The following ZNF10 variants were observed in gnomAD, a reference collection of about 807,000 sequenced individuals.
ZNF10 encodes the protein zinc finger protein 10 (KOX 1).
Under a neutral mutation model 12.2 loss-of-function variants are expected in ZNF10, and 8 were observed. The ratio of observed to expected loss-of-function variants is 0.66; its 90% CI spans 0.39 to 1.18. The LOEUF is 1.18. Ranked by LOEUF, ZNF10 falls within the 50% of genes most tolerant of loss-of-function variation. ZNF10 has a pLI of 0.01. For missense variants in ZNF10, 603 were observed against 678.9 expected (o/e 0.89, Z 1.24); for synonymous variants, 229 against 228.2 (o/e 1.00, Z -0.03).
At chr12:133,138,757 C>G (rs566391667) in intron 1 of ZNF10, among the ~76,000 whole-genome samples, 1 of 152,198 alleles carries the variant, frequency 6.6e-6, no homozygotes, top group African/African-American at 2.4e-5. Flanking sequence ...AGGGAAGGAC[C>G]CATGTCTGAA....
chr12:133,149,874 T>A (rs1955997644), intron 2 of ZNF10, among the ~76,000 whole-genome samples: 1 of 152,202 alleles, frequency 6.6e-6, no homozygotes, highest in Non-Finnish European at 1.5e-5. Context: ...TTTTCAGCTT[T>A]ATATTTTTGT....
intron 1 of ZNF10, among the ~76,000 whole-genome samples, chr12:133,141,587 C>T (rs1237807355): frequency 6.6e-6 from 1 of 151,868 alleles, no homozygotes; most frequent in African/African-American, 2.4e-5. Context: ...GATTAGATTT[C>T]CAGAAGAAAA....
chr12:133,130,670 G>T lies in ZNF10; in HGVS notation c.-144G>T, dbSNP rs1371402210. ...GCTCTTCGCGCTCCGCTGGTGAATG[G>T]AGTCGCGTTCTCTGTTTTGCTGTTG... On this transcript the variant is annotated 5_prime_UTR_variant, in exon 1 of 5. An upstream open reading frame in the 5' UTR gains an earlier in-frame stop. Coordinates refer to ENST00000248211, the MANE Select transcript of ZNF10 (RefSeq NM_015394.5). The T allele has an allele frequency of 1.3e-5, 2 of 152,514 alleles. No homozygotes were observed. Among genetic ancestry groups the T allele is most frequent in the Non-Finnish European group, 2.9e-5 (2 of 68,110 alleles). 9.4% of individuals were successfully genotyped at this position (152,514 alleles called of 1,614,324 possible).
Position 133,158,276 on chromosome 12 carries a change from A to T in ZNF10, c.*1308A>T, listed in dbSNP as rs1428530724. 6.6e-6 allele frequency: 1 copy of T among 152,222 alleles called. No individual in the cohort carries two copies. Among genetic ancestry groups the T allele is most frequent in the Non-Finnish European group, 1.5e-5 (1 of 68,040 alleles). 9.4% of individuals were successfully genotyped at this position (152,222 alleles called of 1,614,324 possible). A position where few individuals can be genotyped will look rare whatever the true frequency, so the allele number is the denominator to read the frequency against. On this transcript the variant is annotated 3_prime_UTR_variant, in exon 5 of 5. Coordinates refer to ENST00000248211, the MANE Select transcript of ZNF10 (RefSeq NM_015394.5). Reference sequence around the variant, plus strand: ...CTGTAGTTACTGGCTGTGATTATTAATAATATTGCCGCACCCTAATATCTG... The same window carrying T: ...CTGTAGTTACTGGCTGTGATTATTATTAATATTGCCGCACCCTAATATCTG...
chr12:133,146,412 A>T (rs111724955), intron 2 of ZNF10, among the ~76,000 whole-genome samples: 5 of 152,340 alleles, frequency 3.3e-5, no homozygotes, highest in African/African-American at 1.2e-4. Flanking sequence ...AGGGAAGGAG[A>T]GAAGATATCC....
chr12:133,156,053 ATG>A lies in ZNF10; in HGVS notation c.810_811del (p.Cys270TrpfsTer9). The A allele has an allele frequency of 6.2e-7, 1 of 1,613,526 alleles. No individual in the cohort carries two copies. The highest frequency in any genetic ancestry group is 8.5e-7 in the Non-Finnish European group (1 of 1,179,946). ...GAGAGAAACCCTATGAATGTAAGGA[ATG>A]TGGAAAATTCTTCAGCTGGCGCTCT... ...HREKPYECKECGKFFSWRSNL... is the reference protein window; with the variant it reads ...HREKPYECKEXGKFFSWRSNL... On this transcript the variant is annotated frameshift_variant, in exon 5 of 5. Coordinates refer to ENST00000248211, the MANE Select transcript of ZNF10 (RefSeq NM_015394.5). LOFTEE classifies it low-confidence loss of function (END_TRUNC).
At chr12:133,140,167 T>A (rs1395194186) in intron 1 of ZNF10, among the ~76,000 whole-genome samples, 1 of 130,970 alleles carries the variant, frequency 7.6e-6, no homozygotes. Flanking sequence ...CGTGCCACTG[T>A]ACTCCAGCCT....
chr12:133,147,882 C>T lies in ZNF10; in HGVS notation c.34-3146C>T, dbSNP rs532162586. 1.2e-4 allele frequency among the ~76,000 whole-genome samples: 18 copies of T among 151,824 alleles called. No individual in the cohort carries two copies. In the East Asian group the frequency reaches 2.7e-3, roughly 23 times the overall value. ...AACTCAGGCAATCCTGAGGCATTCC[C>T]GAGGCCTGCCTTGGCCTCCCAAAGT... On this transcript the variant is annotated intron_variant, in intron 2 of 4. Transcript: ENST00000248211.
In ZNF10 at chr12:133,146,456, A is replaced by AT. The variant is rs1469859775; in HGVS notation, c.33+1941dup. 1.3e-4 allele frequency among the ~76,000 whole-genome samples: 19 copies of AT among 150,942 alleles called. No individual in the cohort carries two copies. In the South Asian group the frequency reaches 2.3e-3, roughly 18 times the overall value. ...GATCTCATAGGACATTCCATTTAAA[A>AT]TTTTTTTTTTACATACAGTAACGTT... On this transcript the variant is annotated intron_variant, in intron 2 of 4. Transcript: ENST00000248211.
At chr12:133,136,034 A>G (rs987049260) in intron 1 of ZNF10, among the ~76,000 whole-genome samples, 6 of 152,208 alleles carry the variant, frequency 3.9e-5, no homozygotes, top group Non-Finnish European at 8.8e-5. Flanking sequence ...GTTAGCAAAT[A>G]GCCTTGCTTT....
Position 133,159,171 on chromosome 12 carries a change from T to C in ZNF10, c.*2203T>C, listed in dbSNP as rs959098739. On this transcript the variant is annotated 3_prime_UTR_variant, in exon 5 of 5. Transcript: ENST00000248211. ...CACATAGTAGGTGCCATTAATAATA[T>C]TACTATTGTTAACACCTTAAGGGTC... is the stretch of plus-strand genomic sequence containing the variant. The C allele has an allele frequency of 2.6e-5, 4 of 152,228 alleles. No homozygotes were observed. Among genetic ancestry groups the C allele is most frequent in the African/African-American group, 9.6e-5 (4 of 41,472 alleles). 9.4% of individuals were successfully genotyped at this position (152,228 alleles called of 1,614,324 possible). A position where few individuals can be genotyped will look rare whatever the true frequency, so the allele number is the denominator to read the frequency against.
intron 2 of ZNF10, among the ~76,000 whole-genome samples, chr12:133,146,794 C>T (rs997655836): frequency 2.0e-5 from 3 of 151,788 alleles, no homozygotes; most frequent in East Asian, 1.9e-4. Context: ...TGCACTGAGC[C>T]GAGATTGTGC....
chr12:133,136,961 G>T (rs1028345403), intron 1 of ZNF10, among the ~76,000 whole-genome samples: 37 of 152,244 alleles, frequency 2.4e-4, no homozygotes, highest in Middle Eastern at 6.8e-3. Context: ...CTTACTCACT[G>T]TGTTCATGTG....
intron 1 of ZNF10, among the ~76,000 whole-genome samples, chr12:133,131,247 C>T (rs141076371): frequency 3.3e-5 from 5 of 151,754 alleles, no homozygotes; most frequent in Non-Finnish European, 7.4e-5. Flanking sequence ...TAACTGAAGG[C>T]GTGTTTGTGT....
intron 1 of ZNF10, among the ~76,000 whole-genome samples, chr12:133,131,580 T>C (rs1955877014): frequency 6.6e-6 from 1 of 152,154 alleles, no homozygotes; most frequent in Non-Finnish European, 1.5e-5. Context: ...CTCCGAGAAC[T>C]GGATAGCACA....
At position 133,157,794 on chromosome 12, in the gene ZNF10, C is replaced by T. The variant is rs1956051609; in HGVS notation, c.*826C>T. 6.6e-6 allele frequency: 1 copy of T among 152,092 alleles called. No homozygotes were observed. Among genetic ancestry groups the T allele is most frequent in the Non-Finnish European group, 1.5e-5 (1 of 68,018 alleles). 9.4% of individuals were successfully genotyped at this position (152,092 alleles called of 1,614,324 possible). A position where few individuals can be genotyped will look rare whatever the true frequency, so the allele number is the denominator to read the frequency against. ...TAAATTGTTTTGGGTCACAGAGTTC[C>T]ACTTTTTCCACTCTTATTAGCACTG... On this transcript the variant is annotated 3_prime_UTR_variant, in exon 5 of 5. Coordinates refer to ENST00000248211, the MANE Select transcript of ZNF10 (RefSeq NM_015394.5).
intron 1 of ZNF10, among the ~76,000 whole-genome samples, chr12:133,141,010 CTG>C (rs903464938): frequency 2.0e-5 from 3 of 152,150 alleles, no homozygotes; most frequent in African/African-American, 4.8e-5. Flanking sequence ...GGAACAGTAT[CTG>C]TTGTTCACAT....
intron 2 of ZNF10, among the ~76,000 whole-genome samples, chr12:133,146,252 C>A (rs1159049937): frequency 6.6e-6 from 1 of 152,154 alleles, no homozygotes; most frequent in African/African-American, 2.4e-5. Context: ...ACGTCACCAC[C>A]ACTGCACTGG....
rs1250542515 is a variant in ZNF10 at position 133,159,221 on chromosome 12, T to C, written c.*2253T>C. 1 of 152,226 alleles carries C rather than the reference T, an allele frequency of 6.6e-6. No individual in the cohort carries two copies. The highest frequency in any genetic ancestry group is 1.9e-4 in the East Asian group (1 of 5,200). 9.4% of individuals were successfully genotyped at this position (152,226 alleles called of 1,614,324 possible). On this transcript the variant is annotated 3_prime_UTR_variant, in exon 5 of 5. Coordinates refer to ENST00000248211, the MANE Select transcript of ZNF10 (RefSeq NM_015394.5). ...CTAACTTGTAATGAAGACAGAAATATGTATGAGGATGATCACTGAAATATT... is the reference window on the plus strand; with the variant it reads ...CTAACTTGTAATGAAGACAGAAATACGTATGAGGATGATCACTGAAATATT...
Sources: gnomAD v4.1 joint callset for allele counts (sites outside exome capture counted in the v4.1 genomes callset) on GRCh38, gnomAD v4.1.1 for gene constraint, MANE v1.5 for transcripts, NCBI Gene and HGNC (gene_info 2026-07-23, HGNC 2026-07-21) for gene names.